DHCR24: variants seen among roughly 807,000 people sequenced by gnomAD.
DHCR24 encodes 24-dehydrocholesterol reductase, also known as delta(24)-sterol reductase.
DHCR24 carries 28 observed loss-of-function variants against 61.2 expected under a neutral mutation model. The observed-to-expected ratio is 0.46, with a 90% CI of 0.34 to 0.63. The LOEUF (loss-of-function observed/expected upper bound fraction) is 0.63. DHCR24 is among the 20% of genes least tolerant of loss of function. DHCR24 has a pLI of 0.01. For missense variants in DHCR24, 538 were observed against 679.1 expected, an observed-to-expected ratio of 0.79 and a Z score of 2.31; for synonymous variants, 261 against 275.9, an observed-to-expected ratio of 0.95 and a Z score of 0.54.
intron 2 of DHCR24, among the ~76,000 whole-genome samples, chr1:54,882,599 T>C (rs191564261): frequency 6.6e-6 from 1 of 152,286 alleles, no homozygotes; most frequent in Non-Finnish European, 1.5e-5. Flanking sequence ...TGTCCATCAG[T>C]AGGTGAATGG....
At position 54,886,916 on chromosome 1, in the gene DHCR24, C is replaced by T. The variant is rs369417580; in HGVS notation, c.204G>A (p.Glu68=). The T allele has an allele frequency of 1.2e-6, 2 of 1,613,200 alleles. No homozygotes were observed. The highest frequency in any genetic ancestry group is 8.5e-7 in the Non-Finnish European group (1 of 1,179,626). The part of the protein sequence containing the change: ...FKLSSAPRLH[E]QRVRDIQKQV... ...GCTTCTGGATGTCCCGCACGCGCTG[C>T]TCGTGCAGGCGCGGAGCGCTGCTGA... The change falls in exon 1 of 9, where the codon GAG becomes GAA. Residue 68 remains glutamate, a synonymous_variant. Transcript: ENST00000371269.
chr1:54,881,575 T>C (rs908671900), intron 2 of DHCR24, among the ~76,000 whole-genome samples: 2 of 152,186 alleles, frequency 1.3e-5, no homozygotes, highest in East Asian at 3.9e-4. Flanking sequence ...TGGGAGACAG[T>C]GTGGTGATTC....
chr1:54,880,535 T>G (rs1423140080), intron 2 of DHCR24, among the ~76,000 whole-genome samples: 1 of 148,272 alleles, frequency 6.7e-6, no homozygotes, highest in East Asian at 2.1e-4. Context: ...GAGGCCAAGG[T>G]AGGTGGATCA....
chr1:54,855,381 G>C (rs1359269838), intron 6 of DHCR24, among the ~76,000 whole-genome samples: 1 of 141,016 alleles, frequency 7.1e-6, no homozygotes, highest in Non-Finnish European at 1.5e-5. Flanking sequence ...GCGACAGAGT[G>C]AGACTCCGTC....
In DHCR24 at chr1:54,851,502, A is replaced by G. The variant is rs116289873; in HGVS notation, c.*731T>C. The G allele has an allele frequency of 6.0e-4, 92 of 153,040 alleles. No individual in the cohort carries two copies. The highest frequency in any genetic ancestry group is 1.0e-3 in the Non-Finnish European group (69 of 68,284). 9.5% of individuals were successfully genotyped at this position (153,040 alleles called of 1,614,324 possible). On this transcript the variant is annotated 3_prime_UTR_variant, in exon 9 of 9. Transcript: ENST00000371269. ...CAACCCTGGAATGCCTTCTCCAGGA[A>G]CACAGGGCACTCCGAGTGGACTCAG... is the stretch of plus-strand genomic sequence containing the variant.
Position 54,871,368 on chromosome 1 carries a change from A to G in DHCR24, c.858T>C (p.Asp286=), listed in dbSNP as rs987353276. 1.2e-6 allele frequency: 2 copies of G among 1,613,924 alleles called. No homozygotes were observed. The highest frequency in any genetic ancestry group is 2.7e-5 in the African/African-American group (2 of 74,896). ...GGCTTACCTTGCTGGGCTCTGCCTC[A>G]TCTGTCATGACCCCTGTCATAATGA... ...EAVIMTGVMT[D]EAEPSKLNSI... The change falls in exon 5 of 9, where the codon GAT becomes GAC. Residue 286 remains aspartate, a synonymous_variant. Transcript: ENST00000371269.
chr1:54,881,015 T>C (rs955245862), intron 2 of DHCR24, among the ~76,000 whole-genome samples: 3 of 152,120 alleles, frequency 2.0e-5, no homozygotes, highest in Non-Finnish European at 4.4e-5. Context: ...CTGGGTGTGG[T>C]GGCACATGCC....
intron 6 of DHCR24, among the ~76,000 whole-genome samples, chr1:54,861,151 G>A (rs1332666050): frequency 6.6e-6 from 1 of 152,106 alleles, no homozygotes; most frequent in Non-Finnish European, 1.5e-5. Flanking sequence ...CCTGGAGGAG[G>A]GGACAGAAAT....
At chr1:54,866,390 C>G (rs1188957015) in intron 5 of DHCR24, among the ~76,000 whole-genome samples, 3 of 151,516 alleles carry the variant, frequency 2.0e-5, no homozygotes, top group Non-Finnish European at 4.4e-5. Context: ...GCTCTGTCGC[C>G]CAGGCTGGAG....
At chr1:54,858,104 G>T (rs1646917634) in intron 6 of DHCR24, among the ~76,000 whole-genome samples, 1 of 152,232 alleles carries the variant, frequency 6.6e-6, no homozygotes, top group South Asian at 2.1e-4. Flanking sequence ...GAAATGTCTT[G>T]TCTTCTGCAT....
chr1:54,870,274 C>T (rs1444464770), intron 5 of DHCR24, among the ~76,000 whole-genome samples: 2 of 151,988 alleles, frequency 1.3e-5, no homozygotes, highest in Admixed American at 1.3e-4. Flanking sequence ...TCGAAGAATG[C>T]ACACAAAACT....
chr1:54,887,036 G>C lies in DHCR24; in HGVS notation c.84C>G (p.Ile28Met). 6.2e-7 allele frequency: 1 copy of C among 1,613,076 alleles called. No individual in the cohort carries two copies. The highest frequency in any genetic ancestry group is 1.7e-5 in the Admixed American group (1 of 59,946). ...VRLKGLEFVL[I>M]HQRWVFVCLF... ...GGCACACGAACACCCAGCGCTGGTG[G>C]ATGAGCACGAACTCCAGCCCCTTCA... Residue 28 changes from isoleucine (I) to methionine (M), a missense_variant, in exon 1 of 9, where the codon ATC (isoleucine) becomes ATG (methionine). Ile to Met is a conservative substitution (Grantham distance 10). Transcript: ENST00000371269.
In DHCR24 at chr1:54,854,007, G is replaced by A. The variant is rs147248444; in HGVS notation, c.1218+30C>T. ...CCATGGATTCCAAGGGAATGCACCT[G>A]GTGCGCCCTCCCTGCCCTGCCCCAC... On this transcript the variant is annotated intron_variant, in intron 7 of 8. Transcript: ENST00000371269. 117 of 1,591,354 alleles carry A rather than the reference G, an allele frequency of 7.4e-5. No individual in the cohort carries two copies. The African/African-American group carries it at 1.4e-3, about 19-fold the overall frequency.
Position 54,883,595 on chromosome 1 carries a change from G to C in DHCR24, c.387+23C>G, listed in dbSNP as rs781138923. Reference sequence around the variant, plus strand: ...GGGCAGTGCCCCACCTGCTCCCAGAGCCCGGAAAAGTGCTACTCTCACCTG... The same window carrying C: ...GGGCAGTGCCCCACCTGCTCCCAGACCCCGGAAAAGTGCTACTCTCACCTG... On this transcript the variant is annotated intron_variant, in intron 2 of 8. Transcript: ENST00000371269. The surrounding 1 kb of genome is among the most constrained non-coding windows in gnomAD (Gnocchi z 4.3). The C allele has an allele frequency of 1.2e-5, 19 of 1,613,946 alleles. No individual in the cohort carries two copies. The South Asian group carries it at 2.1e-4, about 18-fold the overall frequency.
rs1570208033 is a variant in DHCR24 at position 54,887,188 on chromosome 1, C to T, written c.-69G>A. 2.2e-6 allele frequency: 3 copies of T among 1,373,022 alleles called. No individual in the cohort carries two copies. The Admixed American group carries it at 6.2e-5, about 28-fold the overall frequency. The allele number at this position is 1,373,022 out of a possible 1,614,324, so 85.1% of individuals were successfully genotyped here. A position where few individuals can be genotyped will look rare whatever the true frequency, so the allele number is the denominator to read the frequency against. On this transcript the variant is annotated 5_prime_UTR_variant, in exon 1 of 9. Transcript: ENST00000371269. ...TCACTGCCGCCAGCTCCGCGCCTGG[C>T]CCGCTCTGCGCCTGTAGCCCACAGC...
intron 4 of DHCR24, among the ~76,000 whole-genome samples, chr1:54,873,932 G>A (rs1278172098): frequency 6.6e-6 from 1 of 152,094 alleles, no homozygotes; most frequent in African/African-American, 2.4e-5. Flanking sequence ...TTACAGGAGT[G>A]AGCCACTGCA....
At chr1:54,853,904 A>G in intron 7 of DHCR24, 133 bp downstream of exon 7, 1 of 953,482 alleles carries the variant, frequency 1.0e-6, no homozygotes, top group African/African-American at 1.6e-5. Context: ...ACATAGGGAC[A>G]AGGACCTCAT....
In DHCR24 at chr1:54,854,187, G is replaced by T; in HGVS notation, c.1068C>A (p.Gly356=). ...GGGAGATCTTGGGAGGCACCATCCAGCCAAAGAGGTAGCGGAAGATGGGGT... is the reference window on the plus strand; with the variant it reads ...GGGAGATCTTGGGAGGCACCATCCATCCAAAGAGGTAGCGGAAGATGGGGT... ...GNNPIFRYLF[G]WMVPPKISLL... Residue 356 remains glycine (G), a synonymous_variant, in exon 7 of 9, where the codon GGC becomes GGA. Coordinates refer to ENST00000371269, the MANE Select transcript of DHCR24 (RefSeq NM_014762.4). 6.2e-7 allele frequency: 1 copy of T among 1,614,132 alleles called. No individual in the cohort carries two copies. The highest frequency in any genetic ancestry group is 8.5e-7 in the Non-Finnish European group (1 of 1,179,992).
intron 6 of DHCR24, among the ~76,000 whole-genome samples, chr1:54,861,274 C>T (rs959501732): frequency 3.9e-5 from 6 of 152,146 alleles, no homozygotes; most frequent in Non-Finnish European, 7.3e-5. Context: ...ATGTACCATC[C>T]CTGGCTGTTT....
Sources: gnomAD v4.1 joint callset for allele counts (sites outside exome capture counted in the v4.1 genomes callset) on GRCh38, gnomAD v4.1.1 for gene constraint, Gnocchi (gnomAD v3.1) non-coding constraint, MANE v1.5 for transcripts, NCBI Gene and HGNC (gene_info 2026-07-23, HGNC 2026-07-21) for gene names.